KLF12: variants seen among roughly 807,000 people sequenced by gnomAD.
KLF12 encodes KLF transcription factor 12, also known as Krueppel-like factor 12.
KLF12 carries 9 observed loss-of-function variants against 37.8 expected under a neutral mutation model. That is an observed-to-expected ratio of 0.24 (90% CI 0.14 to 0.42). KLF12 has a LOEUF of 0.42. KLF12 is among the 10% of genes least tolerant of loss of function. The pLI, the probability that KLF12 is intolerant of heterozygous loss-of-function variation, is 1.00. For synonymous variants in KLF12, 208 were observed against 202.1 expected (o/e 1.03, Z -0.25); for missense variants, 411 against 516.0 (o/e 0.80, Z 1.97).
intron 7 of KLF12, among the ~76,000 whole-genome samples, chr13:73,698,750 G>A (rs1874328772): frequency 6.6e-6 from 1 of 152,124 alleles, no homozygotes. Flanking sequence ...ATAATGTATG[G>A]CCTTCAATGC....
intron 4 of KLF12, among the ~76,000 whole-genome samples, chr13:73,816,287 A>T (rs1161496775): frequency 6.6e-6 from 1 of 152,248 alleles, no homozygotes; most frequent in East Asian, 1.9e-4. Context: ...TTTAAAGACC[A>T]AAGAAAGTTA....
chr13:74,129,893 C>A (rs1211285663), intron 1 of KLF12, among the ~76,000 whole-genome samples: 2 of 152,138 alleles, frequency 1.3e-5, no homozygotes. Flanking sequence ...ACCATTTAAT[C>A]CACAGCATGT....
intron 5 of KLF12, among the ~76,000 whole-genome samples, chr13:73,805,646 G>GGAAGGA (rs1882547614): frequency 4.0e-5 from 1 of 24,710 alleles, no homozygotes; most frequent in Non-Finnish European, 7.6e-5. Context: ...GGGAGGGAGG[G>GGAAGGA]AGGGAGGAAG....
chr13:74,302,173 G>A, the KLF12 span, among the ~76,000 whole-genome samples: 357 of 152,200 alleles, frequency 2.3e-3, no homozygotes, highest in African/African-American at 7.7e-3. Flanking sequence ...GGCAGAAGCA[G>A]GACCTCCAAG....
At chr13:74,221,612 TTC>T in the KLF12 span, among the ~76,000 whole-genome samples, 2 of 152,226 alleles carry the variant, frequency 1.3e-5, no homozygotes, top group African/African-American at 4.8e-5. Flanking sequence ...ACTCTATTTT[TTC>T]TTTGTTATTT....
chr13:74,104,645 T>C (rs966508263), intron 1 of KLF12, among the ~76,000 whole-genome samples: 4 of 152,214 alleles, frequency 2.6e-5, no homozygotes, highest in Admixed American at 6.5e-5. Context: ...GTCAATAATG[T>C]TCTATCAAGA....
chr13:73,854,089 T>C (rs541583040), intron 3 of KLF12, among the ~76,000 whole-genome samples: 14 of 152,334 alleles, frequency 9.2e-5, no homozygotes, highest in Admixed American at 5.2e-4. Flanking sequence ...GTAACTATTA[T>C]AGGGTTATCT....
At chr13:74,162,307 A>G in the KLF12 span, among the ~76,000 whole-genome samples, 2 of 152,226 alleles carry the variant, frequency 1.3e-5, no homozygotes, top group Non-Finnish European at 2.9e-5. Flanking sequence ...CGGATGAATG[A>G]CACTACAAAG....
intron 4 of KLF12, among the ~76,000 whole-genome samples, chr13:73,837,989 GA>G (rs1214480452): frequency 3.3e-5 from 5 of 152,276 alleles, no homozygotes; most frequent in South Asian, 4.1e-4. Context: ...TCTGTGACAT[GA>G]ACGAAATCTC....
intron 2 of KLF12, among the ~76,000 whole-genome samples, chr13:73,994,170 G>A (rs1892043931): frequency 6.6e-6 from 1 of 152,124 alleles, no homozygotes; most frequent in Non-Finnish European, 1.5e-5. Flanking sequence ...AGGTAGGCTG[G>A]CAGAAAAAGA....
At chr13:73,831,647 C>A (rs1566401787) in intron 4 of KLF12, among the ~76,000 whole-genome samples, 1 of 152,150 alleles carries the variant, frequency 6.6e-6, no homozygotes, top group Non-Finnish European at 1.5e-5. Context: ...TATTCAAGTT[C>A]TTGTTTTAAT....
the KLF12 span, among the ~76,000 whole-genome samples, chr13:74,140,951 G>A: frequency 1.5e-3 from 1 of 672 alleles, no homozygotes; most frequent in East Asian, 0.083. Flanking sequence ...AGCTACTCGG[G>A]GGGTGGGGGG....
Position 73,998,904 on chromosome 13 carries a change from G to A in KLF12, c.-31-3851C>T, listed in dbSNP as rs561577926. Reference sequence around the variant, plus strand: ...TGACTAAAAATGAAAAGTAGCTAAAGACACAAAGAAGAATGCTTGTTGCTA... The same window carrying A: ...TGACTAAAAATGAAAAGTAGCTAAAAACACAAAGAAGAATGCTTGTTGCTA... On this transcript the variant is annotated intron_variant, in intron 1 of 7. Coordinates refer to ENST00000377669, the MANE Select transcript of KLF12 (RefSeq NM_007249.5). Among the ~76,000 whole-genome samples the A allele has an allele frequency of 2.6e-5, 4 of 152,306 alleles. No individual in the cohort carries two copies. The South Asian group carries it at 8.3e-4, about 32-fold the overall frequency.
chr13:74,091,678 G>A (rs1374946679), intron 1 of KLF12, among the ~76,000 whole-genome samples: 1 of 142,900 alleles, frequency 7.0e-6, no homozygotes, highest in African/African-American at 2.4e-5. Flanking sequence ...GAGATCAACA[G>A]GAAGAGCACA....
chr13:74,071,058 T>G (rs929794210), intron 1 of KLF12, among the ~76,000 whole-genome samples: 1 of 152,226 alleles, frequency 6.6e-6, no homozygotes, highest in Non-Finnish European at 1.5e-5. Flanking sequence ...ATGCTCTTCA[T>G]AATGTTAACC....
chr13:74,028,997 A>G (rs1283458585), intron 1 of KLF12, among the ~76,000 whole-genome samples: 1 of 152,108 alleles, frequency 6.6e-6, no homozygotes, highest in Non-Finnish European at 1.5e-5. Flanking sequence ...GATAGTTTAC[A>G]TAGTTCCCTT....
chr13:73,904,785 T>C lies in KLF12; in HGVS notation c.123+39196A>G, dbSNP rs531796996. The stretch of plus-strand genomic sequence containing the variant: ...GTGATGGAGGCAGACTTAACAGTGA[T>C]GCGTGTAGTTCAGCAAAGGCCAAAT... On this transcript the variant is annotated intron_variant, in intron 3 of 7. Transcript: ENST00000377669. Among the ~76,000 whole-genome samples, 5 of 152,270 alleles carry C rather than the reference T, an allele frequency of 3.3e-5. No homozygotes were observed. In the South Asian group the frequency reaches 8.3e-4, roughly 25 times the overall value.
chr13:73,834,974 G>A (rs1884353321), intron 4 of KLF12, among the ~76,000 whole-genome samples: 2 of 151,882 alleles, frequency 1.3e-5, no homozygotes, highest in Non-Finnish European at 2.9e-5. Context: ...ACTAAGCACA[G>A]ATACACAGAA....
chr13:73,759,190 C>A (rs1047352234), intron 6 of KLF12, among the ~76,000 whole-genome samples: 1 of 152,148 alleles, frequency 6.6e-6, no homozygotes, highest in East Asian at 1.9e-4. Context: ...AGACAGCATG[C>A]TTCCAAACCA....
Sources: gnomAD v4.1 joint callset for allele counts (sites outside exome capture counted in the v4.1 genomes callset) on GRCh38, gnomAD v4.1.1 for gene constraint, MANE v1.5 for transcripts, NCBI Gene and HGNC (gene_info 2026-07-23, HGNC 2026-07-21) for gene names.